FAM228A: variants seen among roughly 807,000 people sequenced by gnomAD.
The protein encoded by FAM228A is protein FAM228A.
A neutral mutation model predicts 18.6 loss-of-function variants in FAM228A; 13 were observed. The ratio of observed to expected loss-of-function variants is 0.70; its 90% CI spans 0.45 to 1.11. The LOEUF (loss-of-function observed/expected upper bound fraction) is 1.11, where lower values mean the gene tolerates loss of function less well. Among genes scored for constraint, FAM228A ranks in the 50% least tolerant of loss-of-function variants. The pLI is 0.00. For synonymous variants in FAM228A, 77 were observed against 86.6 expected, an observed-to-expected ratio of 0.89 and a Z score of 0.61; for missense variants, 240 against 242.2, an observed-to-expected ratio of 0.99 and a Z score of 0.06.
chr2:24,188,420 T>G lies in FAM228A; in HGVS notation c.402-1992T>G, dbSNP rs535179797. On this transcript the variant is annotated intron_variant, in intron 5 of 5. Coordinates refer to ENST00000295150, the MANE Select transcript of FAM228A (RefSeq NM_001040710.3). ...TTCCCCCTCCCCACCCCTCCTTGAT[T>G]CTTTTTCAAATAGGTTTTGGGAAAT... The G allele has an allele frequency of 5.9e-5, 58 of 985,350 alleles. No homozygotes were observed. In the South Asian group the frequency reaches 2.6e-3, roughly 45 times the overall value. The allele number at this position is 985,350 out of a possible 1,614,324, so 61.0% of individuals were successfully genotyped here. A position where few individuals can be genotyped will look rare whatever the true frequency, so the allele number is the denominator to read the frequency against.
At chr2:24,181,704 A>C (rs530968088) in intron 3 of FAM228A, among the ~76,000 whole-genome samples, 120 of 152,258 alleles carry the variant, frequency 7.9e-4, no homozygotes, top group Non-Finnish European at 1.1e-3. Context: ...TTTTATATGA[A>C]GAAAAAGAAA....
intron 5 of FAM228A, chr2:24,188,475 C>T: frequency 2.0e-6 from 2 of 985,368 alleles, no homozygotes; most frequent in Non-Finnish European, 2.4e-6. Flanking sequence ...TGGAGAGTTT[C>T]TGTCCTCCAT....
At chr2:24,179,170 A>C (rs1482392057) in intron 3 of FAM228A, 2 of 1,178,144 alleles carry the variant, frequency 1.7e-6, no homozygotes, top group Non-Finnish European at 2.2e-6. Flanking sequence ...AAGAGATGTT[A>C]CATAAAAAAT....
At chr2:24,181,434 G>A (rs1667813172) in intron 3 of FAM228A, among the ~76,000 whole-genome samples, 1 of 152,126 alleles carries the variant, frequency 6.6e-6, no homozygotes, top group Admixed American at 6.6e-5. Flanking sequence ...GCCCAAGCTG[G>A]AGTACAATGG....
At position 24,190,464 on chromosome 2, in the gene FAM228A, A is replaced by G. The variant is rs1163678636; in HGVS notation, c.454A>G (p.Thr152Ala). Reference sequence around the variant, plus strand: ...GAAACAGAAAAGAAAAGAGAAAAAGACGGCCGACCTAAGTCAGGCTGCGTT... The same window carrying G: ...GAAACAGAAAAGAAAAGAGAAAAAGGCGGCCGACCTAAGTCAGGCTGCGTT... Reference protein sequence around the residue: ...DKKQKRKEKKTADLSQAAFER... With the variant: ...DKKQKRKEKKAADLSQAAFER... The change falls in exon 6 of 6, where the codon ACG becomes GCG. Residue 152 changes from threonine (T) to alanine (A), a missense_variant. Thr to Ala is a moderately conservative substitution (Grantham distance 58). Transcript: ENST00000295150. 1.2e-6 allele frequency: 2 copies of G among 1,614,132 alleles called. No homozygotes were observed. The highest frequency in any genetic ancestry group is 1.7e-6 in the Non-Finnish European group (2 of 1,180,026).
At chr2:24,176,786 A>G (rs997497745) in intron 2 of FAM228A, among the ~76,000 whole-genome samples, 7 of 152,216 alleles carry the variant, frequency 4.6e-5, no homozygotes, top group African/African-American at 1.7e-4. Context: ...AACAGTTCTA[A>G]GAACCTGTAT....
chr2:24,177,655 G>C lies in FAM228A; in HGVS notation c.94-147G>C, dbSNP rs1162206741. On this transcript the variant is annotated intron_variant, in intron 2 of 5. Coordinates refer to ENST00000295150, the MANE Select transcript of FAM228A (RefSeq NM_001040710.3). ...CGAGCCTGGCTGACAAGTTCACAGA[G>C]AATGGGTTTAGAAATTTTCCATATT... The C allele has an allele frequency of 2.9e-5, 15 of 519,612 alleles. No homozygotes were observed. In the Admixed American group the frequency reaches 4.9e-4, roughly 17 times the overall value. 32.2% of individuals were successfully genotyped at this position (519,612 alleles called of 1,614,324 possible).
intron 5 of FAM228A, among the ~76,000 whole-genome samples, chr2:24,186,888 G>A (rs938411078): frequency 6.6e-6 from 1 of 152,184 alleles, no homozygotes; most frequent in Non-Finnish European, 1.5e-5. Context: ...CGCTCACCTT[G>A]GCTTCCCAGA....
rs373871277 is a variant in FAM228A, at chr2:24,183,335, G to A, written c.213G>A (p.Val71=). Reference sequence around the variant, plus strand: ...CTCTGTTTCAAAGACAGCAAGAGGTGGATGAAGAGAGGAGAACTGGTCTTC... The same window carrying A: ...CTCTGTTTCAAAGACAGCAAGAGGTAGATGAAGAGAGGAGAACTGGTCTTC... ...VDPLFQRQQE[V]DEERRTGLQC... Residue 71 remains valine (V), a synonymous_variant, in exon 4 of 6, where the codon GTG becomes GTA. Transcript: ENST00000295150. 30 of 1,614,046 alleles carry A rather than the reference G, an allele frequency of 1.9e-5. No homozygotes were observed. The highest frequency in any genetic ancestry group is 1.6e-4 in the Middle Eastern group (1 of 6,062).
At position 24,190,773 on chromosome 2, in the gene FAM228A, G is replaced by A. The variant is rs368069893; in HGVS notation, c.*142G>A. ...GCAGCTCTGACAGGGCCCCTCGGGC[G>A]GGGAAGCCTTGCATGAAGAAACTCA... is the stretch of plus-strand genomic sequence containing the variant. On this transcript the variant is annotated 3_prime_UTR_variant, in exon 6 of 6. Transcript: ENST00000295150. 45 of 1,338,566 alleles carry A rather than the reference G, an allele frequency of 3.4e-5. No individual in the cohort carries two copies. The highest frequency in any genetic ancestry group is 9.5e-5 in the South Asian group (4 of 41,906). 82.9% of individuals were successfully genotyped at this position (1,338,566 alleles called of 1,614,324 possible).
Position 24,190,582 on chromosome 2 carries a change from A to G in FAM228A, c.572A>G (p.His191Arg). The G allele has an allele frequency of 1.9e-6, 3 of 1,608,182 alleles. No homozygotes were observed. The highest frequency in any genetic ancestry group is 2.5e-6 in the Non-Finnish European group (3 of 1,178,002). ...LVSRGLGRGW[H>R]AGLCSTHEQH... ...AGCAGAGGCCTGGGGCGGGGCTGGC[A>G]TGCAGGGCTTTGCAGCACCCACGAG... The change falls in exon 6 of 6, where the codon CAT becomes CGT. Residue 191 changes from histidine (H) to arginine (R), a missense_variant. Transcript: ENST00000295150.
Position 24,183,314 on chromosome 2 carries a change from GT to G in FAM228A, c.195del (p.Gln66LysfsTer24), listed in dbSNP as rs1232486008. On this transcript the variant is annotated frameshift_variant, in exon 4 of 6. Coordinates refer to ENST00000295150, the MANE Select transcript of FAM228A (RefSeq NM_001040710.3). LOFTEE classifies it high-confidence loss of function. ...CAGTCCCACCATTTGTTGATCCTCT[GT>G]TTCAAAGACAGCAAGAGGTGGATGA... ...VTVPPFVDPLFQRQQEVDEER... is the reference protein window; with the variant it reads ...VTVPPFVDPLXQRQQEVDEER... 5 of 1,613,828 alleles carry G rather than the reference GT, an allele frequency of 3.1e-6. No homozygotes were observed. The highest frequency in any genetic ancestry group is 4.2e-6 in the Non-Finnish European group (5 of 1,179,872).
Position 24,190,966 on chromosome 2 carries a change from C to G in FAM228A, c.*335C>G. On this transcript the variant is annotated 3_prime_UTR_variant, in exon 6 of 6. Coordinates refer to ENST00000295150, the MANE Select transcript of FAM228A (RefSeq NM_001040710.3). Reference sequence around the variant, plus strand: ...TCCTACCATTTTCCACTTACTCCATCCAAACTGCACCAAAGATGGTGTTCT... The same window carrying G: ...TCCTACCATTTTCCACTTACTCCATGCAAACTGCACCAAAGATGGTGTTCT... The G allele has an allele frequency of 9.5e-7, 1 of 1,050,086 alleles. No homozygotes were observed. The highest frequency in any genetic ancestry group is 1.1e-6 in the Non-Finnish European group (1 of 871,946). 65.0% of individuals were successfully genotyped at this position (1,050,086 alleles called of 1,614,324 possible). A position where few individuals can be genotyped will look rare whatever the true frequency, so the allele number is the denominator to read the frequency against.
At chr2:24,188,908 C>A (rs1668017528) in intron 5 of FAM228A, among the ~76,000 whole-genome samples, 1 of 152,158 alleles carries the variant, frequency 6.6e-6, no homozygotes, top group African/African-American at 2.4e-5. Flanking sequence ...ATTCCCCATC[C>A]TGAGTTTTGT....
chr2:24,181,084 C>A (rs1446937325), intron 3 of FAM228A, among the ~76,000 whole-genome samples: 3 of 152,026 alleles, frequency 2.0e-5, no homozygotes, highest in Non-Finnish European at 4.4e-5. Flanking sequence ...AAAAAAAGTA[C>A]CTGCCTCATG....
At position 24,183,751 on chromosome 2, in the gene FAM228A, G is replaced by C; in HGVS notation, c.401+106G>C. 2.2e-6 allele frequency: 2 copies of C among 902,784 alleles called. 1 individual carries two copies. The highest frequency in any genetic ancestry group is 3.7e-5 in the South Asian group (2 of 54,082). 55.9% of individuals were successfully genotyped at this position (902,784 alleles called of 1,614,324 possible). A position where few individuals can be genotyped will look rare whatever the true frequency, so the allele number is the denominator to read the frequency against. Reference sequence around the variant, plus strand: ...CACTTTTGTCTTTTAGTAGTTTATAGTTTTATTATTATTATCATCACCTTT... The same window carrying C: ...CACTTTTGTCTTTTAGTAGTTTATACTTTTATTATTATTATCATCACCTTT... On this transcript the variant is annotated intron_variant, in intron 5 of 5. Transcript: ENST00000295150.
intron 3 of FAM228A, among the ~76,000 whole-genome samples, chr2:24,181,048 C>T (rs529387679): frequency 2.0e-4 from 28 of 143,512 alleles, no homozygotes; most frequent in African/African-American, 6.3e-4. Context: ...AACCTAAGGA[C>T]GGACTTTCTT....
Position 24,190,670 on chromosome 2 carries a change from G to A in FAM228A, c.*39G>A. On this transcript the variant is annotated 3_prime_UTR_variant, in exon 6 of 6. Coordinates refer to ENST00000295150, the MANE Select transcript of FAM228A (RefSeq NM_001040710.3). ...CCCTCCCTGTCAGACAGGCACCCAAGGGCGGAGGAGGCATGGCCCAAGAAG... is the reference window on the plus strand; with the variant it reads ...CCCTCCCTGTCAGACAGGCACCCAAAGGCGGAGGAGGCATGGCCCAAGAAG... 6.6e-7 allele frequency: 1 copy of A among 1,505,498 alleles called. No homozygotes were observed. The highest frequency in any genetic ancestry group is 8.9e-7 in the Non-Finnish European group (1 of 1,129,052). The allele number at this position is 1,505,498 out of a possible 1,614,324, so 93.3% of individuals were successfully genotyped here.
rs1167151015 is a variant in FAM228A at position 24,183,573 on chromosome 2, CTT to C, written c.330_331del (p.Ser111ThrfsTer10). ...GCCAGCTCGCCCTACTTCACTTTCA[CTT>C]CACACTGTGTGATTCCAAAAGAGTG... is the stretch of plus-strand genomic sequence containing the variant. On this transcript the variant is annotated frameshift_variant, in exon 5 of 6. Transcript: ENST00000295150. LOFTEE classifies it high-confidence loss of function. The C allele has an allele frequency of 1.7e-5, 27 of 1,614,108 alleles. No homozygotes were observed. The highest frequency in any genetic ancestry group is 2.3e-5 in the Non-Finnish European group (27 of 1,179,964).
Sources: gnomAD v4.1 joint callset for allele counts (sites outside exome capture counted in the v4.1 genomes callset) on GRCh38, gnomAD v4.1.1 for gene constraint, MANE v1.5 for transcripts, NCBI Gene and HGNC (gene_info 2026-07-23, HGNC 2026-07-21) for gene names.